The following BRAF variants were observed in gnomAD, a reference collection of about 807,000 sequenced individuals.
The protein encoded by BRAF is B-Raf proto-oncogene, serine/threonine kinase, also known as serine/threonine-protein kinase B-raf.
Under a neutral mutation model 104.6 loss-of-function variants are expected in BRAF, and 16 were observed. The ratio of observed to expected loss-of-function variants is 0.15; its 90% CI spans 0.10 to 0.23. The LOEUF is 0.23. Among genes scored for constraint, BRAF ranks in the 10% least tolerant of loss-of-function variants. The probability of loss-of-function intolerance (pLI) is 1.00; values close to 1 mark genes in which losing one functional copy is unlikely to be tolerated. For missense variants in BRAF, 541 were observed against 937.3 expected, an observed-to-expected ratio of 0.58 and a Z score of 5.52; for synonymous variants, 310 against 341.6, an observed-to-expected ratio of 0.91 and a Z score of 1.02.
At chr7:140,775,576 T>G (rs1335027438) in intron 14 of BRAF, among the ~76,000 whole-genome samples, 1 of 149,732 alleles carries the variant, frequency 6.7e-6, no homozygotes, top group Non-Finnish European at 1.5e-5. Context: ...CGACCTCAGG[T>G]GATCCGCCTG....
chr7:140,897,885 A>T (rs890457748), intron 1 of BRAF, among the ~76,000 whole-genome samples: 1 of 152,198 alleles, frequency 6.6e-6, no homozygotes, highest in Non-Finnish European at 1.5e-5. Flanking sequence ...CATAAACAGT[A>T]ACAACAACAT....
chr7:140,815,199 G>A (rs533755923), intron 3 of BRAF, among the ~76,000 whole-genome samples: 7 of 150,618 alleles, frequency 4.6e-5, no homozygotes, highest in East Asian at 2.0e-4. Context: ...GTGCAGTGGC[G>A]TGATCTCAGC....
chr7:140,790,726 T>C (rs1464019361), intron 8 of BRAF, among the ~76,000 whole-genome samples: 5 of 152,326 alleles, frequency 3.3e-5, no homozygotes, highest in African/African-American at 1.2e-4. Context: ...ACTACATCAA[T>C]CATTTCCTCT....
intron 14 of BRAF, among the ~76,000 whole-genome samples, chr7:140,766,198 C>T (rs577570346): frequency 0.012 from 1,859 of 151,904 alleles, 15 homozygotes; most frequent in Middle Eastern, 0.037. Flanking sequence ...GGACAAAAAA[C>T]CAAACACCGC....
At chr7:140,887,252 A>G (rs1196998813) in intron 1 of BRAF, among the ~76,000 whole-genome samples, 1 of 152,244 alleles carries the variant, frequency 6.6e-6, no homozygotes, top group Non-Finnish European at 1.5e-5. Flanking sequence ...AGAAGCCCCT[A>G]TAGTCAATGT....
rs530296312 is a variant in BRAF, at chr7:140,886,964, G to A, written c.139-36752C>T. On this transcript the variant is annotated intron_variant, in intron 1 of 19. Coordinates refer to ENST00000644969, the MANE Select transcript of BRAF (RefSeq NM_001374258.1). ...TTAACCAACAAGCCAGAGAGGTACT[G>A]GAGGCAGGGAATCCCATTAAAAGCA... is the stretch of plus-strand genomic sequence containing the variant. Among the ~76,000 whole-genome samples the A allele has an allele frequency of 5.9e-5, 9 of 152,250 alleles. No individual in the cohort carries two copies. In the East Asian group the frequency reaches 1.5e-3, roughly 26 times the overall value.
At chr7:140,726,568 A>C in intron 19 of BRAF, 1 of 1,419,416 alleles carries the variant, frequency 7.0e-7, no homozygotes, top group Non-Finnish European at 9.6e-7. Context: ...CAAATAACCT[A>C]GAGACACAGA....
chr7:140,785,310 A>C (rs1391617615), intron 10 of BRAF, among the ~76,000 whole-genome samples: 1 of 152,236 alleles, frequency 6.6e-6, no homozygotes, highest in Non-Finnish European at 1.5e-5. Context: ...ATATTAAGTC[A>C]TCAAGAATAA....
At chr7:140,808,178 G>A in intron 4 of BRAF, 116 bp from the exon 5 acceptor site, 4 of 779,610 alleles carry the variant, frequency 5.1e-6, no homozygotes, top group Non-Finnish European at 9.1e-6. Context: ...AGGGAGGTTT[G>A]GCTCCCTAAT....
At chr7:140,726,536 G>A in intron 19 of BRAF, 3 of 1,527,974 alleles carry the variant, frequency 2.0e-6, no homozygotes, top group Non-Finnish European at 2.6e-6. Context: ...GAGGACAAGA[G>A]CTAATTTTAA....
intron 14 of BRAF, among the ~76,000 whole-genome samples, chr7:140,770,707 G>A (rs1266452713): frequency 7.9e-5 from 12 of 151,828 alleles, no homozygotes; most frequent in African/African-American, 2.7e-4. Context: ...AGGCCGAGGC[G>A]GGCAGATCAC....
At chr7:140,913,682 C>T (rs998901789) in intron 1 of BRAF, among the ~76,000 whole-genome samples, 4 of 151,842 alleles carry the variant, frequency 2.6e-5, no homozygotes, top group Non-Finnish European at 5.9e-5. Flanking sequence ...CGGGGTTTCA[C>T]CATGTTGGCC....
intron 14 of BRAF, among the ~76,000 whole-genome samples, chr7:140,761,412 T>C (rs1586051063): frequency 2.0e-5 from 3 of 151,596 alleles, no homozygotes; most frequent in Non-Finnish European, 2.9e-5. Flanking sequence ...AAGGAACAAG[T>C]GGTACCAGCC....
At chr7:140,749,714 C>T (rs983392248) in intron 16 of BRAF, among the ~76,000 whole-genome samples, 2 of 152,124 alleles carry the variant, frequency 1.3e-5, no homozygotes, top group African/African-American at 4.8e-5. Flanking sequence ...ATGAATTCTT[C>T]CCATGACTTA....
intron 17 of BRAF, among the ~76,000 whole-genome samples, chr7:140,742,938 A>G (rs1000908931): frequency 7.8e-4 from 119 of 152,196 alleles, no homozygotes; most frequent in Non-Finnish European, 1.3e-3. Context: ...TTCTCAAAAG[A>G]AGACATTTAT....
At chr7:140,770,562 C>A (rs1040237196) in intron 14 of BRAF, among the ~76,000 whole-genome samples, 3 of 145,878 alleles carry the variant, frequency 2.1e-5, no homozygotes, top group African/African-American at 5.1e-5. Flanking sequence ...AATGTACTGA[C>A]CATTCCTGGA....
At chr7:140,876,892 T>C (rs1335909038) in intron 1 of BRAF, among the ~76,000 whole-genome samples, 1 of 151,914 alleles carries the variant, frequency 6.6e-6, no homozygotes, top group Non-Finnish European at 1.5e-5. Flanking sequence ...ATATTCTGAG[T>C]CATAAGACAA....
At chr7:140,788,979 G>A (rs1801668595) in intron 8 of BRAF, among the ~76,000 whole-genome samples, 2 of 151,852 alleles carry the variant, frequency 1.3e-5, no homozygotes, top group Non-Finnish European at 2.9e-5. Context: ...GGGAGGCTGA[G>A]GCTGGTGGAT....
At chr7:140,899,022 T>C (rs1235338211) in intron 1 of BRAF, among the ~76,000 whole-genome samples, 1 of 152,230 alleles carries the variant, frequency 6.6e-6, no homozygotes, top group Non-Finnish European at 1.5e-5. Flanking sequence ...CACACAATGA[T>C]ATCTACTGCA....
Sources: allele counts gnomAD v4.1 joint callset (sites outside exome capture counted in the v4.1 genomes callset), GRCh38; gene constraint gnomAD v4.1.1; transcripts MANE v1.5; gene names NCBI Gene and HGNC (gene_info 2026-07-23, HGNC 2026-07-21).